The following SYNDIG1L variants were observed in gnomAD, a reference collection of about 807,000 sequenced individuals.
The protein encoded by SYNDIG1L is synapse differentiation-inducing gene protein 1-like.
In SYNDIG1L, 13 loss-of-function variants were observed where a neutral mutation model predicts 20.1. The ratio of observed to expected loss-of-function variants is 0.65; its 90% CI spans 0.42 to 1.03. The LOEUF is 1.03. Ranked by LOEUF, SYNDIG1L falls within the 50% of genes least tolerant of loss-of-function variation. SYNDIG1L has a pLI of 0.00. For missense variants in SYNDIG1L, 294 were observed against 305.1 expected (o/e 0.96, Z 0.27); for synonymous variants, 128 against 129.3 (o/e 0.99, Z 0.07).
At chr14:74,421,117 T>C (rs896316472) in intron 1 of SYNDIG1L, among the ~76,000 whole-genome samples, 1 of 151,906 alleles carries the variant, frequency 6.6e-6, no homozygotes, top group Non-Finnish European at 1.5e-5. Context: ...TGAAAAAAAA[T>C]TTTTTGAATT....
chr14:74,474,764 T>A, the SYNDIG1L span: 1 of 152,304 alleles, frequency 6.6e-6, no homozygotes, highest in Non-Finnish European at 1.5e-5. Flanking sequence ...GATGAGGCAA[T>A]GCCGTGCCCT....
chr14:74,469,994 A>C, the SYNDIG1L span, among the ~76,000 whole-genome samples: 1 of 152,174 alleles, frequency 6.6e-6, no homozygotes, highest in East Asian at 1.9e-4. Flanking sequence ...GGGTGCAGCC[A>C]ACATGGTTAC....
the SYNDIG1L span, among the ~76,000 whole-genome samples, chr14:74,432,180 T>TGTGTGTGTGTGTGTGAGAGA: frequency 2.3e-4 from 29 of 124,146 alleles, no homozygotes; most frequent in Admixed American, 2.1e-3. Flanking sequence ...TGTGTGTGTG[T>TGTGTGTGTGTGTGTGAGAGA]GAGAGAGAGA....
At chr14:74,479,678 C>G in the SYNDIG1L span, 1 of 167,148 alleles carries the variant, frequency 6.0e-6, no homozygotes, top group Non-Finnish European at 1.3e-5. Flanking sequence ...TTCAACCTTT[C>G]AGGCGTTATT....
chr14:74,413,351 A>G (rs1451923428), intron 1 of SYNDIG1L, among the ~76,000 whole-genome samples: 1 of 152,210 alleles, frequency 6.6e-6, no homozygotes, highest in African/African-American at 2.4e-5. Context: ...AAGCCACCTA[A>G]ACGTCCAGCA....
chr14:74,470,763 A>G, the SYNDIG1L span, among the ~76,000 whole-genome samples: 1 of 152,226 alleles, frequency 6.6e-6, no homozygotes. Flanking sequence ...ATAGTTTGTT[A>G]GGTAGATTAG....
chr14:74,422,653 T>TCACA (rs34711949), intron 1 of SYNDIG1L, among the ~76,000 whole-genome samples: 3,025 of 140,452 alleles, frequency 0.022, 40 homozygotes, highest in African/African-American at 0.033. Context: ...ATCTCTCTCT[T>TCACA]CACACACACA....
At chr14:74,458,453 A>G in the SYNDIG1L span, among the ~76,000 whole-genome samples, 1 of 119,562 alleles carries the variant, frequency 8.4e-6, no homozygotes, top group Non-Finnish European at 1.9e-5. Context: ...CCCTGTGTCT[A>G]CTAAAAAAAA....
chr14:74,459,468 C>A, the SYNDIG1L span, among the ~76,000 whole-genome samples: 1 of 152,220 alleles, frequency 6.6e-6, no homozygotes, highest in Non-Finnish European at 1.5e-5. Flanking sequence ...TGTGCCACTG[C>A]ACTCCAGCCT....
Position 74,408,755 on chromosome 14 carries a change from C to T in SYNDIG1L, c.417+573G>A, listed in dbSNP as rs184268301. ...TAAAATCAGATTATAAAACTATGTA[C>T]AGCAAGATTTCTTCTGGGGAGTGGG... On this transcript the variant is annotated intron_variant, in intron 2 of 3. Transcript: ENST00000331628. Among the ~76,000 whole-genome samples, 163 of 152,152 alleles carry T rather than the reference C, an allele frequency of 1.1e-3. 1 individual carries two copies. Among genetic ancestry groups the T allele is most frequent in the African/African-American group, 3.7e-3 (155 of 41,502 alleles).
chr14:74,460,728 T>A, the SYNDIG1L span, among the ~76,000 whole-genome samples: 1 of 152,080 alleles, frequency 6.6e-6, no homozygotes, highest in Non-Finnish European at 1.5e-5. Flanking sequence ...CTCCGCCTCC[T>A]GGGTTCAAGC....
At chr14:74,448,322 C>T in the SYNDIG1L span, among the ~76,000 whole-genome samples, 1 of 152,060 alleles carries the variant, frequency 6.6e-6, no homozygotes, top group Non-Finnish European at 1.5e-5. Flanking sequence ...AAAGATATAC[C>T]ATGCTCCCAT....
intron 1 of SYNDIG1L, among the ~76,000 whole-genome samples, chr14:74,411,202 C>T (rs1275225999): frequency 2.6e-5 from 4 of 152,186 alleles, no homozygotes; most frequent in East Asian, 1.9e-4. Context: ...GGCAGATCTT[C>T]GTGCCCTCTG....
chr14:74,440,572 C>G, the SYNDIG1L span, among the ~76,000 whole-genome samples: 1 of 149,058 alleles, frequency 6.7e-6, no homozygotes, highest in African/African-American at 2.5e-5. Flanking sequence ...GTAGTCCCAG[C>G]TACTCGGGAG....
chr14:74,471,266 T>C, the SYNDIG1L span, among the ~76,000 whole-genome samples: 15 of 152,094 alleles, frequency 9.9e-5, no homozygotes, highest in Non-Finnish European at 1.9e-4. Flanking sequence ...TCCAACTCTC[T>C]CTGGAGGAGT....
At chr14:74,449,708 A>T in the SYNDIG1L span, among the ~76,000 whole-genome samples, 39 of 151,920 alleles carry the variant, frequency 2.6e-4, no homozygotes, top group African/African-American at 7.5e-4. Context: ...CAGTTAAAAA[A>T]TTTTTTTCTC....
chr14:74,460,089 T>C, the SYNDIG1L span, among the ~76,000 whole-genome samples: 18,681 of 151,962 alleles, frequency 0.12, 2,170 homozygotes, highest in African/African-American at 0.3. Flanking sequence ...CCTACAGACA[T>C]GGCTTCCCTT....
At chr14:74,445,256 C>T in the SYNDIG1L span, among the ~76,000 whole-genome samples, 22 of 152,222 alleles carry the variant, frequency 1.4e-4, no homozygotes, top group Non-Finnish European at 3.1e-4. Flanking sequence ...GAAGCAGATG[C>T]CAGCATTATG....
At chr14:74,437,004 A>C in the SYNDIG1L span, among the ~76,000 whole-genome samples, 1 of 151,882 alleles carries the variant, frequency 6.6e-6, no homozygotes, top group Admixed American at 6.6e-5. Context: ...TTTACATCAT[A>C]CTTGTCTCTC....
Sources: allele counts gnomAD v4.1 joint callset (sites outside exome capture counted in the v4.1 genomes callset), GRCh38; gene constraint gnomAD v4.1.1; transcripts MANE v1.5; gene names NCBI Gene and HGNC (gene_info 2026-07-23, HGNC 2026-07-21).